The following DENND1B variants were observed in gnomAD, a reference collection of about 807,000 sequenced individuals.
The protein encoded by DENND1B is DENN domain containing 1B, also known as DENN domain-containing protein 1B.
DENND1B carries 59 observed loss-of-function variants against 90.1 expected under a neutral mutation model. The ratio of observed to expected loss-of-function variants is 0.65; its 90% confidence interval spans 0.53 to 0.81. The LOEUF (loss-of-function observed/expected upper bound fraction) is 0.81, where lower values mean the gene tolerates loss of function less well. Among genes scored for constraint, DENND1B ranks in the 40% least tolerant of loss-of-function variants. DENND1B has a pLI of 0.00. For synonymous variants in DENND1B, 337 were observed against 324.6 expected (o/e 1.04, Z -0.41); for missense variants, 862 against 912.6 (o/e 0.94, Z 0.71).
chr1:197,646,990 T>A, intron 8 of DENND1B, 65 bp downstream of exon 8: 1 of 1,242,656 alleles, frequency 8.0e-7, no homozygotes, highest in Non-Finnish European at 1.1e-6. Flanking sequence ...AAAGGCATAG[T>A]GAAATAAGTG....
At chr1:197,759,742 C>CAAAAAAAAAAAAAAAA (rs1196523150) in intron 2 of DENND1B, among the ~76,000 whole-genome samples, 1 of 38,156 alleles carries the variant, frequency 2.6e-5, no homozygotes, top group Non-Finnish European at 4.8e-5. Flanking sequence ...GACTCCGTCT[C>CAAAAAAAAAAAAAAAA]AAAAAAAAAA....
chr1:197,755,675 A>G (rs1353245472), intron 2 of DENND1B, among the ~76,000 whole-genome samples: 2 of 152,206 alleles, frequency 1.3e-5, no homozygotes, highest in African/African-American at 4.8e-5. Context: ...GGCAATTTAC[A>G]AAAGAAAGAG....
At chr1:197,633,180 A>G (rs1417135721) in intron 10 of DENND1B, among the ~76,000 whole-genome samples, 1 of 152,178 alleles carries the variant, frequency 6.6e-6, no homozygotes, top group African/African-American at 2.4e-5. Context: ...CCTTTAGAGG[A>G]AAGGGTGAGA....
At position 197,744,374 on chromosome 1, in the gene DENND1B, T is replaced by G. The variant is rs1487720250; in HGVS notation, c.82+28494A>C. Among the ~76,000 whole-genome samples, 41 of 152,230 alleles carry G rather than the reference T, an allele frequency of 2.7e-4. 2 individuals carry two copies. The highest frequency in any genetic ancestry group is 2.7e-3 in the Admixed American group (41 of 15,276). On this transcript the variant is annotated intron_variant, in intron 2 of 22. Coordinates refer to ENST00000620048, the MANE Select transcript of DENND1B (RefSeq NM_001195215.2). ...AAAACTTGAAAGTCAAAATTACTCTTGGATCCATGGGCTGCAGAATGGATA... is the reference window on the plus strand; with the variant it reads ...AAAACTTGAAAGTCAAAATTACTCTGGGATCCATGGGCTGCAGAATGGATA...
intron 16 of DENND1B, chr1:197,552,573 A>C: frequency 1.0e-6 from 1 of 985,558 alleles, no homozygotes; most frequent in Non-Finnish European, 1.2e-6. Flanking sequence ...GTATAATAAT[A>C]ATACAGTTAC....
chr1:197,746,798 A>C, intron 2 of DENND1B: 2 of 1,596,268 alleles, frequency 1.3e-6, no homozygotes, highest in South Asian at 2.2e-5. Context: ...CTTTGCTTCA[A>C]ACCCCCATGC....
chr1:197,519,703 A>C (rs1012468539), intron 20 of DENND1B, among the ~76,000 whole-genome samples: 4 of 151,902 alleles, frequency 2.6e-5, no homozygotes, highest in African/African-American at 9.7e-5. Flanking sequence ...AAGATATTTG[A>C]GTTGAGCTCT....
At chr1:197,535,826 T>G (rs1669836593) in intron 20 of DENND1B, among the ~76,000 whole-genome samples, 1 of 152,170 alleles carries the variant, frequency 6.6e-6, no homozygotes, top group Admixed American at 6.5e-5. Flanking sequence ...GCTGATTACA[T>G]TCTTCCTTAA....
intron 2 of DENND1B, chr1:197,734,371 C>G (rs1363669197): frequency 2.0e-6 from 2 of 981,666 alleles, no homozygotes; most frequent in Admixed American, 1.2e-4. Flanking sequence ...TGGTTGAGTT[C>G]ATGAATATTT....
chr1:197,716,651 T>G (rs180847378), intron 2 of DENND1B, among the ~76,000 whole-genome samples: 5 of 152,034 alleles, frequency 3.3e-5, no homozygotes, highest in Admixed American at 3.3e-4. Flanking sequence ...AGTTTTTATC[T>G]TCATAAAGTA....
rs533625411 is a variant in DENND1B, at chr1:197,747,409, C to A, written c.82+25459G>T. 69 of 444,126 alleles carry A rather than the reference C, an allele frequency of 1.6e-4. No individual in the cohort carries two copies. The East Asian group carries it at 3.4e-3, about 22-fold the overall frequency. The allele number at this position is 444,126 out of a possible 1,614,324, so 27.5% of individuals were successfully genotyped here. A position where few individuals can be genotyped will look rare whatever the true frequency, so the allele number is the denominator to read the frequency against. ...GCTTCATCTTCAGAGTTTCACTCAA[C>A]ATCACTTTCATTTAGGCCAGGAGGT... On this transcript the variant is annotated intron_variant, in intron 2 of 22. Transcript: ENST00000620048.
intron 2 of DENND1B, among the ~76,000 whole-genome samples, chr1:197,745,342 T>G (rs1302516335): frequency 6.6e-6 from 1 of 152,138 alleles, no homozygotes; most frequent in Non-Finnish European, 1.5e-5. Flanking sequence ...TCAAGTGAAA[T>G]ACATGTGAGT....
intron 22 of DENND1B, 149 bp from the exon 23 acceptor site, chr1:197,511,121 G>C: frequency 1.1e-6 from 1 of 884,826 alleles, no homozygotes; most frequent in Non-Finnish European, 1.6e-6. Flanking sequence ...TTTCCAAATG[G>C]CTCTATTAAC....
intron 15 of DENND1B, among the ~76,000 whole-genome samples, chr1:197,575,727 A>G (rs949542028): frequency 1.3e-5 from 2 of 152,268 alleles, no homozygotes; most frequent in Non-Finnish European, 2.9e-5. Context: ...TGTGGCACAT[A>G]TACGTCATGG....
intron 2 of DENND1B, among the ~76,000 whole-genome samples, chr1:197,737,784 G>C (rs533430633): frequency 1.6e-5 from 2 of 123,022 alleles, no homozygotes; most frequent in Admixed American, 1.7e-4. Flanking sequence ...TTAGAATTCT[G>C]CTTCAAAAAA....
At chr1:197,540,834 A>G in intron 19 of DENND1B, 125 bp downstream of exon 19, 3 of 827,286 alleles carry the variant, frequency 3.6e-6, no homozygotes, top group Non-Finnish European at 5.7e-6. Flanking sequence ...TAAAAAATAC[A>G]TTCTTGAACA....
At chr1:197,604,441 C>T (rs1433885425) in intron 13 of DENND1B, among the ~76,000 whole-genome samples, 1 of 150,980 alleles carries the variant, frequency 6.6e-6, no homozygotes, top group African/African-American at 2.4e-5. Flanking sequence ...GGAATGAAGC[C>T]ATTAAGAAGA....
intron 3 of DENND1B, among the ~76,000 whole-genome samples, chr1:197,691,322 A>G (rs1657854831): frequency 6.6e-6 from 1 of 152,056 alleles, no homozygotes; most frequent in Non-Finnish European, 1.5e-5. Flanking sequence ...CATTTCTCCA[A>G]AGAAGTCATA....
intron 3 of DENND1B, among the ~76,000 whole-genome samples, chr1:197,694,499 T>C (rs1030537647): frequency 6.6e-6 from 1 of 151,434 alleles, no homozygotes; most frequent in Non-Finnish European, 1.5e-5. Context: ...GTTATATTTA[T>C]GTTTTTTCTC....
Sources: gnomAD v4.1 joint callset for allele counts (sites outside exome capture counted in the v4.1 genomes callset) on GRCh38, gnomAD v4.1.1 for gene constraint, MANE v1.5 for transcripts, NCBI Gene and HGNC (gene_info 2026-07-23, HGNC 2026-07-21) for gene names.